Variants in VWA8 observed in about 807,000 individuals in gnomAD.
VWA8 encodes the protein von Willebrand factor A domain-containing protein 8.
VWA8 carries 221 observed loss-of-function variants against 241.5 expected under a neutral mutation model. The ratio of observed to expected loss-of-function variants is 0.91; its 90% CI spans 0.82 to 1.02. The LOEUF is 1.02. VWA8 is among the 50% of genes least tolerant of loss of function. The pLI is 0.00. For missense variants in VWA8, 2,322 were observed against 2,328.7 expected, an observed-to-expected ratio of 1.00 and a Z score of 0.06; for synonymous variants, 852 against 827.1, an observed-to-expected ratio of 1.03 and a Z score of -0.52.
chr13:41,908,846 A>G (rs1481765315), intron 3 of VWA8, among the ~76,000 whole-genome samples: 2 of 152,248 alleles, frequency 1.3e-5, no homozygotes, highest in African/African-American at 4.8e-5. Context: ...ACTAAACATG[A>G]GGAACAAACT....
At chr13:41,797,380 C>A (rs1869754054) in intron 17 of VWA8, among the ~76,000 whole-genome samples, 1 of 152,068 alleles carries the variant, frequency 6.6e-6, no homozygotes, top group Non-Finnish European at 1.5e-5. Context: ...GTTTTTGATA[C>A]ATGGTACAAA....
At chr13:41,886,759 A>T (rs1874559995) in intron 7 of VWA8, 22 bp downstream of exon 7, 1 of 1,568,144 alleles carries the variant, frequency 6.4e-7, no homozygotes, top group African/African-American at 1.4e-5. Flanking sequence ...CAGTGTCCAG[A>T]CATTTATAAA....
intron 7 of VWA8, 115 bp from the exon 8 acceptor site, chr13:41,886,143 T>C: frequency 1.4e-6 from 1 of 716,290 alleles, no homozygotes. Context: ...CTAATATTAA[T>C]TCTTAAGGAA....
chr13:41,676,479 C>G (rs1011522830), intron 35 of VWA8, among the ~76,000 whole-genome samples: 2 of 152,102 alleles, frequency 1.3e-5, no homozygotes, highest in African/African-American at 4.8e-5. Context: ...CCCTTTTGAC[C>G]AATTGCTTTA....
In VWA8 at chr13:41,841,093, G is replaced by A. The variant is rs115821507; in HGVS notation, c.1426-7562C>T. 3.6e-3 allele frequency among the ~76,000 whole-genome samples: 555 copies of A among 152,294 alleles called. 2 individuals carry two copies. The highest frequency in any genetic ancestry group is 0.013 in the African/African-American group (524 of 41,562). On this transcript the variant is annotated intron_variant, in intron 12 of 44. Coordinates refer to ENST00000379310, the MANE Select transcript of VWA8 (RefSeq NM_015058.2). The stretch of plus-strand genomic sequence containing the variant: ...CAGTTTACCCAATCAAGGACACACA[G>A]CTAGCAGGCAGAGGAGCCAGATTGT...
chr13:41,831,234 G>C (rs1871438501), intron 13 of VWA8, among the ~76,000 whole-genome samples: 1 of 152,118 alleles, frequency 6.6e-6, no homozygotes, highest in African/African-American at 2.4e-5. Context: ...GCCCACAATA[G>C]AGTTAGCCTA....
chr13:41,864,340 G>A (rs956191763), intron 12 of VWA8, among the ~76,000 whole-genome samples: 2 of 151,876 alleles, frequency 1.3e-5, no homozygotes, highest in Non-Finnish European at 2.9e-5. Context: ...CTGAAAGCAG[G>A]GACTCAAATA....
At chr13:41,857,338 T>C (rs1457169354) in intron 12 of VWA8, among the ~76,000 whole-genome samples, 2 of 152,184 alleles carry the variant, frequency 1.3e-5, no homozygotes, top group Non-Finnish European at 2.9e-5. Context: ...TAGCTAGGTA[T>C]AAATTTGAGT....
At chr13:41,914,103 G>A (rs1876142436) in intron 2 of VWA8, among the ~76,000 whole-genome samples, 1 of 152,232 alleles carries the variant, frequency 6.6e-6, no homozygotes, top group South Asian at 2.1e-4. Flanking sequence ...TGAGGCTGAA[G>A]AATCACTTGA....
At chr13:41,663,431 GTAC>G (rs1423813496) in intron 37 of VWA8, among the ~76,000 whole-genome samples, 2 of 151,084 alleles carry the variant, frequency 1.3e-5, no homozygotes, top group African/African-American at 4.9e-5. Context: ...AAGTCAAATA[GTAC>G]TACAAGATGT....
At chr13:41,664,890 C>T (rs1434988215) in intron 37 of VWA8, among the ~76,000 whole-genome samples, 2 of 152,088 alleles carry the variant, frequency 1.3e-5, no homozygotes, top group African/African-American at 4.8e-5. Flanking sequence ...TACTTTGCTG[C>T]ATGTTTTTTG....
intron 21 of VWA8, among the ~76,000 whole-genome samples, chr13:41,747,442 T>G (rs1291223455): frequency 1.3e-5 from 2 of 152,234 alleles, no homozygotes; most frequent in African/African-American, 4.8e-5. Flanking sequence ...TTTTGCACAT[T>G]GATTTTGTAT....
rs544624939 is a variant in VWA8, at chr13:41,676,351, C to G, written c.4328-1055G>C. On this transcript the variant is annotated intron_variant, in intron 35 of 44. Coordinates refer to ENST00000379310, the MANE Select transcript of VWA8 (RefSeq NM_015058.2). ...AAGACCTGCCCTCAATATTGGTGGA[C>G]ATCATCCCACCAGCCAAGAGCCTAG... Among the ~76,000 whole-genome samples, 13 of 152,194 alleles carry G rather than the reference C, an allele frequency of 8.5e-5. No homozygotes were observed. The South Asian group carries it at 2.7e-3, about 32-fold the overall frequency.
intron 42 of VWA8, among the ~76,000 whole-genome samples, chr13:41,582,806 C>T (rs1285909622): frequency 6.6e-6 from 1 of 152,160 alleles, no homozygotes; most frequent in Non-Finnish European, 1.5e-5. Context: ...TGAGAAGAGA[C>T]TGATAATTCC....
chr13:41,839,511 AT>A (rs1435710850), intron 12 of VWA8, among the ~76,000 whole-genome samples: 6 of 152,110 alleles, frequency 3.9e-5, no homozygotes, highest in African/African-American at 1.4e-4. Context: ...CCATTTGTCA[AT>A]TTTGGCTTTT....
chr13:41,955,989 T>TTCTG (rs1306597887), intron 1 of VWA8: 1 of 152,244 alleles, frequency 6.6e-6, no homozygotes, highest in Non-Finnish European at 1.5e-5. Flanking sequence ...TCTGAGCTTA[T>TTCTG]TCTGGTTCTG....
intron 40 of VWA8, among the ~76,000 whole-genome samples, chr13:41,596,578 G>A (rs1049595308): frequency 6.6e-6 from 1 of 151,974 alleles, no homozygotes; most frequent in Admixed American, 6.6e-5. Context: ...ATGTCCATCT[G>A]TTTTGTATTA....
At chr13:41,666,772 A>G (rs1566407789) in intron 37 of VWA8, among the ~76,000 whole-genome samples, 1 of 152,192 alleles carries the variant, frequency 6.6e-6, no homozygotes, top group South Asian at 2.1e-4. Flanking sequence ...CAATAAAAAA[A>G]TAATTACAGG....
At chr13:41,943,374 A>G (rs893140870) in intron 2 of VWA8, among the ~76,000 whole-genome samples, 4 of 152,212 alleles carry the variant, frequency 2.6e-5, no homozygotes, top group African/African-American at 9.6e-5. Context: ...GTGCTGATGA[A>G]TTTAGAAGCA....
Sources: gnomAD v4.1 joint callset for allele counts (sites outside exome capture counted in the v4.1 genomes callset) on GRCh38, gnomAD v4.1.1 for gene constraint, MANE v1.5 for transcripts, NCBI Gene and HGNC (gene_info 2026-07-23, HGNC 2026-07-21) for gene names.